Variants in PCDHA3 observed in about 807,000 individuals in gnomAD.
PCDHA3 encodes the protein protocadherin alpha 3.
In PCDHA3, 41 loss-of-function variants were observed where a neutral mutation model predicts 62.2. That is an observed-to-expected ratio of 0.66 (90% CI 0.51 to 0.86). The LOEUF is 0.86. Among genes scored for constraint, PCDHA3 ranks in the 40% least tolerant of loss-of-function variants. PCDHA3 has a pLI of 0.00. For synonymous variants in PCDHA3, 640 were observed against 555.4 expected (o/e 1.15, Z -2.14); for missense variants, 1,304 against 1,241.2 (o/e 1.05, Z -0.76).
At chr5:140,813,919 C>G (rs1554126348) in intron 1 of PCDHA3, 1 of 152,274 alleles carries the variant, frequency 6.6e-6, no homozygotes, top group African/African-American at 2.4e-5. Context: ...GGATCCTTGA[C>G]TTGAGGAGGT....
Position 140,871,175 on chromosome 5 carries a change from C to A in PCDHA3, c.2394+67584C>A, listed in dbSNP as rs782460096. On this transcript the variant is annotated intron_variant, in intron 1 of 3. Coordinates refer to ENST00000522353, the MANE Select transcript of PCDHA3 (RefSeq NM_018906.3). The stretch of plus-strand genomic sequence containing the variant: ...GCGGGCGCCGCGAGCCCAGAGGCTG[C>A]GCTGGTGGATGTCAACGTGTACCTG... 1.4e-5 allele frequency: 22 copies of A among 1,613,402 alleles called. No individual in the cohort carries two copies. The highest frequency in any genetic ancestry group is 2.2e-5 in the South Asian group (2 of 91,092).
At chr5:140,857,501 G>A in intron 1 of PCDHA3, 1 of 1,598,358 alleles carries the variant, frequency 6.3e-7, no homozygotes, top group Non-Finnish European at 8.6e-7. Context: ...GGACGCGCAG[G>A]AGAACGCCCT....
Position 140,941,319 on chromosome 5 carries a change from C to CT in PCDHA3, c.2395-37615dup, listed in dbSNP as rs70988781. On this transcript the variant is annotated intron_variant, in intron 1 of 3. Transcript: ENST00000522353. Reference sequence around the variant, plus strand: ...TTCTTTCTTTCTTTTTCTTCTTTCTCTTTTTTTTTTTTTTTCAGATGGAGT... The same window carrying CT: ...TTCTTTCTTTCTTTTTCTTCTTTCTCTTTTTTTTTTTTTTTTCAGATGGAGT... Among the ~76,000 whole-genome samples the CT allele has an allele frequency of 1.3e-3, 140 of 104,384 alleles. 3 individuals are homozygous for CT. The highest frequency in any genetic ancestry group is 2.9e-3 in the South Asian group (9 of 3,126). The allele number at this position is 104,384 out of a possible 152,430, so 68.5% of individuals were successfully genotyped here.
intron 1 of PCDHA3, among the ~76,000 whole-genome samples, chr5:140,902,720 C>A (rs371638113): frequency 6.6e-6 from 1 of 152,050 alleles, no homozygotes; most frequent in African/African-American, 2.4e-5. Flanking sequence ...CCCCTCCCAC[C>A]CTTCCCTCCA....
intron 1 of PCDHA3, among the ~76,000 whole-genome samples, chr5:140,914,094 T>A (rs563496078): frequency 6.9e-4 from 105 of 152,324 alleles, no homozygotes; most frequent in African/African-American, 2.5e-3. Context: ...GTCAATTTGT[T>A]CTATAGTGCA....
chr5:140,850,639 T>C (rs2150491929), intron 1 of PCDHA3: 1 of 1,598,684 alleles, frequency 6.3e-7, no homozygotes, highest in East Asian at 2.2e-5. Flanking sequence ...GTTCTCACGC[T>C]GCTGCTGTAC....
At chr5:140,931,901 T>G (rs2087840006) in intron 1 of PCDHA3, among the ~76,000 whole-genome samples, 1 of 151,938 alleles carries the variant, frequency 6.6e-6, no homozygotes, top group South Asian at 2.1e-4. Flanking sequence ...TCAAATCATT[T>G]GAAAAGCATG....
intron 1 of PCDHA3, among the ~76,000 whole-genome samples, chr5:140,891,410 A>T: frequency 7.7e-6 from 1 of 130,320 alleles, no homozygotes; most frequent in East Asian, 2.5e-4. Context: ...GCCACCCCCC[A>T]CTCTTGCCCC....
chr5:140,969,907 G>A (rs2096367708), intron 1 of PCDHA3, among the ~76,000 whole-genome samples: 1 of 152,204 alleles, frequency 6.6e-6, no homozygotes, highest in Non-Finnish European at 1.5e-5. Context: ...CATGTCACAA[G>A]TGATAAAGCT....
Position 140,827,991 on chromosome 5 carries a change from T to C in PCDHA3, c.2394+24400T>C, listed in dbSNP as rs1173902795. 6.1e-6 allele frequency: 9 copies of C among 1,468,882 alleles called. No individual in the cohort carries two copies. The African/African-American group carries it at 8.5e-5, about 14-fold the overall frequency. The allele number at this position is 1,468,882 out of a possible 1,614,324, so 91.0% of individuals were successfully genotyped here. On this transcript the variant is annotated intron_variant, in intron 1 of 3. Transcript: ENST00000522353. ...GCATCATTCCCTGACTGTTGAATGA[T>C]GGCGGACGCAGAAGAAATGGATTAA...
At position 140,967,833 on chromosome 5, in the gene PCDHA3, T is replaced by G. The variant is rs1554229998; in HGVS notation, c.2395-11116T>G. The G allele has an allele frequency of 1.2e-6, 2 of 1,614,014 alleles. No homozygotes were observed. The highest frequency in any genetic ancestry group is 4.5e-5 in the East Asian group (2 of 44,876). On this transcript the variant is annotated intron_variant, in intron 1 of 3. Transcript: ENST00000522353. The stretch of plus-strand genomic sequence containing the variant: ...CACTGCAAGGTGCTGGTGGACATCG[T>G]GGACGTGAATGACAATGCCCCAGAG...
At chr5:140,849,010 T>C in intron 1 of PCDHA3, 1 of 1,591,032 alleles carries the variant, frequency 6.3e-7, no homozygotes, top group Non-Finnish European at 8.6e-7. Context: ...ACTTACAGAC[T>C]GAGCCCCAAT....
intron 1 of PCDHA3, among the ~76,000 whole-genome samples, chr5:140,950,687 C>A (rs2153690415): frequency 6.6e-6 from 1 of 152,106 alleles, no homozygotes; most frequent in South Asian, 2.1e-4. Context: ...ATATTGTTAA[C>A]CAAATTTGAC....
chr5:140,935,157 A>G (rs982054485), intron 1 of PCDHA3, among the ~76,000 whole-genome samples: 1 of 152,214 alleles, frequency 6.6e-6, no homozygotes, highest in Non-Finnish European at 1.5e-5. Context: ...TATAATCTCA[A>G]CAACAGGTGT....
chr5:140,968,597 G>T, intron 1 of PCDHA3: 1 of 1,614,176 alleles, frequency 6.2e-7, no homozygotes, highest in Non-Finnish European at 8.5e-7. Context: ...CATAGCTATG[G>T]ACTCAGACTC....
In PCDHA3 at chr5:141,011,207, G is replaced by A. The variant is rs79928365; in HGVS notation, c.*1270G>A. On this transcript the variant is annotated 3_prime_UTR_variant, in exon 4 of 4. Coordinates refer to ENST00000522353, the MANE Select transcript of PCDHA3 (RefSeq NM_018906.3). Reference sequence around the variant, plus strand: ...GAAAAATATTGTTTTCTCATACAGTGAGCAGATTTTTCAATCTACTAATTC... The same window carrying A: ...GAAAAATATTGTTTTCTCATACAGTAAGCAGATTTTTCAATCTACTAATTC... 325 of 153,804 alleles carry A rather than the reference G, an allele frequency of 2.1e-3. 2 individuals are homozygous for A. The highest frequency in any genetic ancestry group is 7.1e-3 in the African/African-American group (293 of 41,546). 9.5% of individuals were successfully genotyped at this position (153,804 alleles called of 1,614,324 possible). A position where few individuals can be genotyped will look rare whatever the true frequency, so the allele number is the denominator to read the frequency against.
At chr5:140,823,917 G>A in intron 1 of PCDHA3, 1 of 1,614,028 alleles carries the variant, frequency 6.2e-7, no homozygotes, top group Non-Finnish European at 8.5e-7. Flanking sequence ...TGCTCACGCT[G>A]CTGCTGTACA....
At chr5:140,829,045 C>T in intron 1 of PCDHA3, 1 of 1,612,830 alleles carries the variant, frequency 6.2e-7, no homozygotes, top group South Asian at 1.1e-5. Flanking sequence ...TATACAAAAT[C>T]CTCATTGACG....
Position 140,898,031 on chromosome 5 carries a change from G to C in PCDHA3, c.2395-80918G>C, listed in dbSNP as rs550093815. Among the ~76,000 whole-genome samples, 156 of 152,112 alleles carry C rather than the reference G, an allele frequency of 1.0e-3. No individual in the cohort carries two copies. The South Asian group carries it at 0.016, about 16-fold the overall frequency. ...CATATCCTTTGCCCACTTTTTGATG[G>C]GGTTGTTTGTTTTTTTCTTGTAAAT... On this transcript the variant is annotated intron_variant, in intron 1 of 3. Coordinates refer to ENST00000522353, the MANE Select transcript of PCDHA3 (RefSeq NM_018906.3).
Sources: allele counts gnomAD v4.1 joint callset (sites outside exome capture counted in the v4.1 genomes callset), GRCh38; gene constraint gnomAD v4.1.1; transcripts MANE v1.5; gene names NCBI Gene and HGNC (gene_info 2026-07-23, HGNC 2026-07-21).